Variants in DEUP1 observed in about 807,000 individuals in gnomAD.
DEUP1 encodes the protein coiled-coil domain containing 67.
DEUP1 carries 82 observed loss-of-function variants against 87.4 expected under a neutral mutation model. The ratio of observed to expected loss-of-function variants is 0.94; its 90% CI spans 0.78 to 1.13. The LOEUF (loss-of-function observed/expected upper bound fraction) is 1.13, where lower values mean the gene tolerates loss of function less well. Among genes scored for constraint, DEUP1 ranks in the 50% most tolerant of loss-of-function variants. The pLI is 0.00. For synonymous variants in DEUP1, 214 were observed against 222.7 expected (o/e 0.96, Z 0.35); for missense variants, 663 against 681.5 (o/e 0.97, Z 0.30).
chr11:93,334,531 A>T (rs968071392), intron 2 of DEUP1, among the ~76,000 whole-genome samples: 1 of 152,190 alleles, frequency 6.6e-6, no homozygotes, highest in African/African-American at 2.4e-5. Context: ...AAAAATAGAG[A>T]GTGTGAATGG....
In DEUP1 at chr11:93,357,001, G is replaced by T; in HGVS notation, c.255G>T (p.Met85Ile). 6.2e-7 allele frequency: 1 copy of T among 1,602,462 alleles called. No individual in the cohort carries two copies. Among genetic ancestry groups the T allele is most frequent in the South Asian group, 1.1e-5 (1 of 88,026 alleles). Residue 85 changes from methionine to isoleucine, a missense_variant, in exon 4 of 14, where the codon ATG becomes ATT. Coordinates refer to ENST00000298050, the MANE Select transcript of DEUP1 (RefSeq NM_181645.4). ...GTCTGGAAAAATGTAATTTAGCAAT[G>T]ACTCAGAATTATGAAGGACAACTAC... Reference protein sequence around the residue: ...LDSLEKCNLAMTQNYEGQLQS... With the variant: ...LDSLEKCNLAITQNYEGQLQS...
chr11:93,415,348 C>G (rs1306871864), intron 13 of DEUP1: 2 of 260,890 alleles, frequency 7.7e-6, no homozygotes, highest in Non-Finnish European at 1.5e-5. Flanking sequence ...TAATGCAGGC[C>G]AGAATTACTG....
In DEUP1 at chr11:93,412,607, ATAAC is replaced by A. The variant is rs991847716; in HGVS notation, c.1524-2389_1524-2386del. Among the ~76,000 whole-genome samples, 153 of 152,336 alleles carry A rather than the reference ATAAC, an allele frequency of 1.0e-3. 2 individuals are homozygous for A. The highest frequency in any genetic ancestry group is 8.8e-5 in the Non-Finnish European group (6 of 68,026). On this transcript the variant is annotated intron_variant, in intron 12 of 13. Transcript: ENST00000298050. ...TATCTGTACATCCAAAGCAAAATGG[ATAAC>A]TAAGATAATTATTTAGATAATTTAG...
intron 2 of DEUP1, 150 bp from the exon 3 acceptor site, chr11:93,355,221 A>G (rs1406367565): frequency 9.8e-6 from 7 of 711,216 alleles, no homozygotes; most frequent in Non-Finnish European, 1.1e-5. Flanking sequence ...TAATTTTAAA[A>G]ATTAACCTTC....
intron 2 of DEUP1, among the ~76,000 whole-genome samples, chr11:93,336,678 G>A (rs1032065185): frequency 5.3e-5 from 8 of 152,184 alleles, no homozygotes; most frequent in Non-Finnish European, 1.0e-4. Flanking sequence ...CCCAACCCCA[G>A]TCCAGAGCCT....
chr11:93,346,578 G>A (rs1033969947), intron 2 of DEUP1, among the ~76,000 whole-genome samples: 8 of 152,054 alleles, frequency 5.3e-5, no homozygotes, highest in African/African-American at 1.4e-4. Context: ...AGTTCCGTGA[G>A]GAATGTCATA....
intron 7 of DEUP1, among the ~76,000 whole-genome samples, chr11:93,372,224 G>A (rs370948031): frequency 6.6e-5 from 10 of 152,106 alleles, no homozygotes; most frequent in East Asian, 3.9e-4. Context: ...CACCGCGCCC[G>A]GCCCAAAATA....
intron 13 of DEUP1, among the ~76,000 whole-genome samples, chr11:93,433,164 T>TACAC (rs1948151515): frequency 6.6e-6 from 1 of 152,176 alleles, no homozygotes; most frequent in East Asian, 1.9e-4. Context: ...TCTTCATTCA[T>TACAC]AAACTAACTA....
intron 13 of DEUP1, among the ~76,000 whole-genome samples, chr11:93,435,147 A>G (rs1948205845): frequency 1.3e-5 from 2 of 152,192 alleles, no homozygotes; most frequent in Admixed American, 6.5e-5. Flanking sequence ...CGCAGAATTC[A>G]TATCCATTCT....
chr11:93,330,083 G>A (rs1317941971), upstream of DEUP1: 1 of 152,192 alleles, frequency 6.6e-6, no homozygotes, highest in Non-Finnish European at 1.5e-5. Context: ...GCGCTTGACG[G>A]GAAAGTCAGG....
chr11:93,349,604 C>T (rs1361809583), intron 2 of DEUP1, among the ~76,000 whole-genome samples: 1 of 150,736 alleles, frequency 6.6e-6, no homozygotes, highest in Non-Finnish European at 1.5e-5. Context: ...AAAACTTGTT[C>T]AAAGAAGAGC....
intron 7 of DEUP1, among the ~76,000 whole-genome samples, chr11:93,371,735 T>C (rs1429604354): frequency 6.6e-6 from 1 of 152,228 alleles, no homozygotes. Context: ...TAATCATTTA[T>C]CAAACAGTAA....
intron 2 of DEUP1, among the ~76,000 whole-genome samples, chr11:93,334,465 G>T (rs116165213): frequency 6.6e-6 from 1 of 152,120 alleles, no homozygotes; most frequent in East Asian, 1.9e-4. Context: ...GATAATAAAC[G>T]TATAAATTTG....
At chr11:93,411,073 A>T (rs537276080) in intron 12 of DEUP1, 18 of 152,334 alleles carry the variant, frequency 1.2e-4, no homozygotes, top group Non-Finnish European at 2.5e-4. Context: ...TACTGTGGGG[A>T]AAGAGTTGTT....
At chr11:93,418,255 T>C (rs1341653265) in intron 13 of DEUP1, among the ~76,000 whole-genome samples, 1 of 151,826 alleles carries the variant, frequency 6.6e-6, no homozygotes, top group Non-Finnish European at 1.5e-5. Flanking sequence ...ACCTACAAAA[T>C]GGGAGAAAAT....
intron 2 of DEUP1, among the ~76,000 whole-genome samples, chr11:93,349,981 G>A (rs934803541): frequency 3.5e-4 from 54 of 152,302 alleles, no homozygotes; most frequent in Admixed American, 4.6e-4. Context: ...GTAGAGGCTG[G>A]AGACAGAATA....
At chr11:93,339,394 A>G (rs1943944802) in intron 2 of DEUP1, among the ~76,000 whole-genome samples, 1 of 152,218 alleles carries the variant, frequency 6.6e-6, no homozygotes, top group Admixed American at 6.5e-5. Context: ...TTTTCTCTAA[A>G]AAGGAGAAAG....
chr11:93,365,951 T>A (rs920010251), intron 5 of DEUP1, among the ~76,000 whole-genome samples: 1 of 152,208 alleles, frequency 6.6e-6, no homozygotes, highest in African/African-American at 2.4e-5. Flanking sequence ...TGATCACTGA[T>A]AACTGAAAAC....
intron 7 of DEUP1, among the ~76,000 whole-genome samples, chr11:93,373,924 C>A (rs1184588856): frequency 6.6e-6 from 1 of 152,022 alleles, no homozygotes; most frequent in Non-Finnish European, 1.5e-5. Context: ...AAAAGTGTTA[C>A]CTTTTCACCA....
Sources: allele counts gnomAD v4.1 joint callset (sites outside exome capture counted in the v4.1 genomes callset), GRCh38; gene constraint gnomAD v4.1.1; transcripts MANE v1.5; gene names NCBI Gene and HGNC (gene_info 2026-07-23, HGNC 2026-07-21).